The following EPRS1 variants were observed in gnomAD, a reference collection of about 807,000 sequenced individuals.
EPRS1 encodes the protein glutamyl-prolyl-tRNA synthetase 1, also known as bifunctional glutamate/proline--tRNA ligase.
EPRS1 carries 107 observed loss-of-function variants against 188.3 expected under a neutral mutation model. The observed-to-expected ratio is 0.57, with a 90% CI of 0.49 to 0.67. The LOEUF (loss-of-function observed/expected upper bound fraction) is 0.67, where lower values mean the gene tolerates loss of function less well. EPRS1 is among the 30% of genes least tolerant of loss of function. The pLI is 0.00. For synonymous variants in EPRS1, 596 were observed against 593.1 expected, an observed-to-expected ratio of 1.00 and a Z score of -0.07; for missense variants, 1,577 against 1,802.2, an observed-to-expected ratio of 0.88 and a Z score of 2.26.
chr1:220,029,849 C>CA (rs1662053449), intron 6 of EPRS1, among the ~76,000 whole-genome samples: 1 of 152,130 alleles, frequency 6.6e-6, no homozygotes, highest in African/African-American at 2.4e-5. Flanking sequence ...CCATACAGAA[C>CA]AGTCTTTTTC....
chr1:220,011,369 A>G (rs2102583754), intron 12 of EPRS1, among the ~76,000 whole-genome samples: 1 of 152,328 alleles, frequency 6.6e-6, no homozygotes, highest in South Asian at 2.1e-4. Flanking sequence ...AGGCAAGGAA[A>G]AGTTTTCCAG....
chr1:220,022,449 A>G lies in EPRS1; in HGVS notation c.1013T>C (p.Leu338Ser). Reference protein sequence around the residue: ...KGSQFGQSCCLRAKIDMSSNN... With the variant: ...KGSQFGQSCCSRAKIDMSSNN... ...ACTACTCATGTCAATTTTTGCTCGC[A>G]AACAACAGGACTGACCAAACTGGCT... The change falls in exon 9 of 32, where the codon TTG becomes TCG. Residue 338 changes from leucine (L) to serine (S), a missense_variant. This residue lies in a region of EPRS1 where 1,278 missense variants were observed against 1,457.4 expected (regional missense o/e 0.88). Transcript: ENST00000366923. 1.2e-6 allele frequency: 2 copies of G among 1,614,184 alleles called. No homozygotes were observed. The highest frequency in any genetic ancestry group is 1.7e-6 in the Non-Finnish European group (2 of 1,180,008).
intron 28 of EPRS1, among the ~76,000 whole-genome samples, chr1:219,977,501 A>C (rs1488992494): frequency 6.6e-6 from 1 of 152,186 alleles, no homozygotes; most frequent in African/African-American, 2.4e-5. Flanking sequence ...GCTAGTAGCC[A>C]GCAGTAAATT....
intron 6 of EPRS1, among the ~76,000 whole-genome samples, chr1:220,026,974 A>G (rs1354090914): frequency 1.3e-5 from 2 of 152,188 alleles, no homozygotes; most frequent in Non-Finnish European, 2.9e-5. Context: ...AGTCATTAGC[A>G]TCCCAGATCA....
In EPRS1 at chr1:219,987,382, T is replaced by G; in HGVS notation, c.2798A>C (p.Gln933Pro). 1.9e-6 allele frequency: 3 copies of G among 1,609,826 alleles called. No homozygotes were observed. The highest frequency in any genetic ancestry group is 8.5e-7 in the Non-Finnish European group (1 of 1,178,616). The change falls in exon 20 of 32, where the codon CAA becomes CCA. Residue 933 changes from glutamine to proline, a missense_variant. Physicochemically the swap from Gln to Pro is moderately conservative, Grantham distance 76. Transcript: ENST00000366923. ...CTGTGCCTTTAGCTGAAGGAGTTCT[T>G]GAACAGCTATATCTACTTGATCCTT... Reference protein sequence around the residue: ...APKDQVDIAVQELLQLKAQYK... With the variant: ...APKDQVDIAVPELLQLKAQYK...
chr1:219,977,465 G>A (rs754586784), intron 28 of EPRS1, among the ~76,000 whole-genome samples: 61 of 152,134 alleles, frequency 4.0e-4, no homozygotes, highest in Non-Finnish European at 7.6e-4. Context: ...AGGAATGAAC[G>A]TGGATGGTTT....
intron 12 of EPRS1, 75 bp downstream of exon 12, chr1:220,018,374 A>G (rs1445509980): frequency 7.6e-6 from 9 of 1,177,726 alleles, no homozygotes; most frequent in Non-Finnish European, 1.1e-5. Flanking sequence ...TACCATGAGC[A>G]CAGTAATGAC....
chr1:219,987,621 A>G (rs1661031182), intron 19 of EPRS1, among the ~76,000 whole-genome samples: 1 of 152,150 alleles, frequency 6.6e-6, no homozygotes, highest in Admixed American at 6.5e-5. Context: ...GGATCTGTCC[A>G]AAGTTTAAAA....
rs780689786 is a variant in EPRS1 at position 219,987,334 on chromosome 1, T to C, written c.2846A>G (p.Glu949Gly). ...KAQYKSLIGV[E>G]YKPVSATGAE... ...TCCAGTGGCCGACACAGGCTTATAC[T>C]CTACTCCTATCAAAGACTTGTACTG... The change falls in exon 20 of 32, where the codon GAG becomes GGG. Residue 949 changes from glutamate (E) to glycine (G), a missense_variant. Transcript: ENST00000366923. The C allele has an allele frequency of 1.2e-6, 2 of 1,613,892 alleles. No homozygotes were observed. The highest frequency in any genetic ancestry group is 1.7e-6 in the Non-Finnish European group (2 of 1,179,844).
At chr1:219,984,350 T>C in intron 20 of EPRS1, 93 bp from the exon 21 acceptor site, 1 of 846,658 alleles carries the variant, frequency 1.2e-6, no homozygotes, top group Non-Finnish European at 2.0e-6. Flanking sequence ...AATAGATTAG[T>C]CTTTCTTCAG....
intron 10 of EPRS1, 76 bp downstream of exon 10, chr1:220,019,912 A>G: frequency 2.1e-6 from 2 of 972,992 alleles, no homozygotes; most frequent in Non-Finnish European, 3.2e-6. Flanking sequence ...CACCTTCCCT[A>G]TCTCTCAAGC....
intron 12 of EPRS1, among the ~76,000 whole-genome samples, chr1:220,017,136 C>A (rs1441306444): frequency 1.3e-5 from 2 of 152,154 alleles, no homozygotes; most frequent in South Asian, 4.2e-4. Flanking sequence ...TCGCTTGAAC[C>A]CGGGAGGCAG....
chr1:220,024,836 A>C (rs1238536200), intron 7 of EPRS1, among the ~76,000 whole-genome samples: 1 of 152,186 alleles, frequency 6.6e-6, no homozygotes, highest in Non-Finnish European at 1.5e-5. Context: ...TTTCATTCAT[A>C]AACTTAAGAT....
chr1:220,032,741 C>T (rs1467070588), intron 4 of EPRS1, among the ~76,000 whole-genome samples: 4 of 151,910 alleles, frequency 2.6e-5, no homozygotes, highest in South Asian at 2.1e-4. Flanking sequence ...CAACTGAAGA[C>T]GAAAAATATG....
rs766603088 is a variant in EPRS1, at chr1:220,030,411, C to T, written c.598G>A (p.Val200Ile). The change falls in exon 6 of 32, where the codon GTC (valine) becomes ATC (isoleucine). Residue 200 changes from valine to isoleucine, a missense_variant. Val to Ile is a conservative substitution (Grantham distance 29). This residue lies in a region of EPRS1 where 1,278 missense variants were observed against 1,457.4 expected (regional missense o/e 0.88). Transcript: ENST00000366923. ...LPGAEMGKVT[V>I]RFPPEASGYL... ...CCACTGGCCTCTGGAGGAAATCTGACGGTAACCTTTCCCATCTCCGCACCT... is the reference window on the plus strand; with the variant it reads ...CCACTGGCCTCTGGAGGAAATCTGATGGTAACCTTTCCCATCTCCGCACCT... 13 of 1,613,758 alleles carry T rather than the reference C, an allele frequency of 8.1e-6. No individual in the cohort carries two copies. Among genetic ancestry groups the T allele is most frequent in the Middle Eastern group, 1.7e-4 (1 of 6,058 alleles).
chr1:220,045,416 A>C (rs1304089372), intron 1 of EPRS1, among the ~76,000 whole-genome samples: 1 of 152,072 alleles, frequency 6.6e-6, no homozygotes, highest in Non-Finnish European at 1.5e-5. Context: ...AGGTGGGAGG[A>C]TCATCTGAGC....
At chr1:220,023,978 C>A (rs934136915) in intron 8 of EPRS1, among the ~76,000 whole-genome samples, 1 of 152,126 alleles carries the variant, frequency 6.6e-6, no homozygotes, top group Non-Finnish European at 1.5e-5. Flanking sequence ...ATGGTGAAAC[C>A]CCGTCTCTAC....
At chr1:220,039,786 G>A (rs1027744845) in intron 2 of EPRS1, among the ~76,000 whole-genome samples, 16 of 152,094 alleles carry the variant, frequency 1.1e-4, no homozygotes, top group Non-Finnish European at 1.8e-4. Flanking sequence ...CCAAAGTGCC[G>A]GGATTACAGG....
chr1:219,987,926 A>G (rs2102568470), intron 19 of EPRS1, among the ~76,000 whole-genome samples: 1 of 152,342 alleles, frequency 6.6e-6, no homozygotes, highest in Admixed American at 6.5e-5. Context: ...ATATTGTTAT[A>G]GCATATTTCC....
Sources: gnomAD v4.1 joint callset for allele counts (sites outside exome capture counted in the v4.1 genomes callset) on GRCh38, gnomAD v4.1.1 for gene constraint, gnomAD v4.1.1 regional missense constraint, MANE v1.5 for transcripts, NCBI Gene and HGNC (gene_info 2026-07-23, HGNC 2026-07-21) for gene names.